CACNA2D1: variants seen among roughly 807,000 people sequenced by gnomAD.
CACNA2D1 encodes voltage-dependent calcium channel subunit alpha-2/delta-1.
Under a neutral mutation model 171.5 loss-of-function variants are expected in CACNA2D1, and 53 were observed. That is an observed-to-expected ratio of 0.31 (90% CI 0.25 to 0.39). CACNA2D1 has a LOEUF of 0.39. Ranked by LOEUF, CACNA2D1 falls within the 10% of genes least tolerant of loss-of-function variation. The probability of loss-of-function intolerance (pLI) is 1.00; values close to 1 mark genes in which losing one functional copy is unlikely to be tolerated. For synonymous variants in CACNA2D1, 442 were observed against 443.1 expected (o/e 1.00, Z 0.03); for missense variants, 903 against 1,299.8 (o/e 0.69, Z 4.69).
intron 24 of CACNA2D1, among the ~76,000 whole-genome samples, chr7:81,974,934 A>T (rs1795679857): frequency 6.6e-6 from 1 of 152,034 alleles, no homozygotes; most frequent in African/African-American, 2.4e-5. Context: ...TAAAACCTAG[A>T]TGACAAGTTG....
chr7:82,158,032 CAT>C (rs979535316), intron 4 of CACNA2D1, among the ~76,000 whole-genome samples: 3 of 151,670 alleles, frequency 2.0e-5, no homozygotes, highest in Non-Finnish European at 4.4e-5. Flanking sequence ...TATATATACA[CAT>C]ACAAATGTTT....
chr7:82,172,761 T>C (rs1796168549), intron 3 of CACNA2D1, among the ~76,000 whole-genome samples: 1 of 149,368 alleles, frequency 6.7e-6, no homozygotes, highest in African/African-American at 2.5e-5. Flanking sequence ...TGACAAAATT[T>C]GCAATGTAAA....
At chr7:82,144,912 T>C (rs941891401) in intron 4 of CACNA2D1, among the ~76,000 whole-genome samples, 2 of 138,732 alleles carry the variant, frequency 1.4e-5, no homozygotes, top group African/African-American at 5.0e-5. Flanking sequence ...GTATGGATTA[T>C]AATGAAATCA....
intron 32 of CACNA2D1, among the ~76,000 whole-genome samples, chr7:81,965,304 T>C (rs1054720258): frequency 1.3e-5 from 2 of 151,880 alleles, no homozygotes; most frequent in Non-Finnish European, 2.9e-5. Context: ...CTGACAAATG[T>C]TGAAGTGAAA....
intron 1 of CACNA2D1, among the ~76,000 whole-genome samples, chr7:82,404,170 T>C (rs1331957755): frequency 6.6e-6 from 1 of 151,952 alleles, no homozygotes; most frequent in Non-Finnish European, 1.5e-5. Flanking sequence ...GGATGGGAGT[T>C]CTAAATAAGT....
At chr7:82,039,023 A>G (rs1446228104) in intron 10 of CACNA2D1, among the ~76,000 whole-genome samples, 1 of 152,246 alleles carries the variant, frequency 6.6e-6, no homozygotes, top group Non-Finnish European at 1.5e-5. Context: ...ATCCAGGATA[A>G]GAGGATGAGT....
chr7:82,100,942 G>A (rs1167831688), intron 6 of CACNA2D1, among the ~76,000 whole-genome samples: 1 of 151,636 alleles, frequency 6.6e-6, no homozygotes, highest in East Asian at 1.9e-4. Flanking sequence ...TAATTTTGTG[G>A]ATAAACTCTT....
intron 3 of CACNA2D1, among the ~76,000 whole-genome samples, chr7:82,174,012 C>T (rs1057328296): frequency 1.6e-5 from 2 of 126,714 alleles, no homozygotes. Flanking sequence ...CACTGCACTG[C>T]AGCCTGAGCT....
At chr7:81,972,727 G>T (rs897500976) in intron 25 of CACNA2D1, among the ~76,000 whole-genome samples, 1 of 151,730 alleles carries the variant, frequency 6.6e-6, no homozygotes, top group Non-Finnish European at 1.5e-5. Context: ...ACCCTAACAG[G>T]TACCCTCTGA....
rs1362113289 is a variant in CACNA2D1, at chr7:81,950,478, C to G, written c.3190G>C (p.Gly1064Arg). 1 of 1,612,186 alleles carries G rather than the reference C, an allele frequency of 6.2e-7. No individual in the cohort carries two copies. The highest frequency in any genetic ancestry group is 8.5e-7 in the Non-Finnish European group (1 of 1,179,326). ...ATATACCACAGGGAGGGATTTAATC[C>G]AGAAACACCACCACAGTCAGTATAA... The part of the protein sequence containing the change: ...EDYTDCGGVS[G>R]LNPSLWYIIG... The change falls in exon 39 of 39, where the codon GGA becomes CGA. Residue 1064 changes from glycine (G) to arginine (R), a missense_variant. Gly to Arg is a moderately radical substitution (Grantham distance 125, BLOSUM62 -2). This residue lies in a region of CACNA2D1 where 623 missense variants were observed against 925.5 expected (regional missense o/e 0.67). Transcript: ENST00000356860.
intron 1 of CACNA2D1, among the ~76,000 whole-genome samples, chr7:82,437,505 TA>T (rs968189965): frequency 7.6e-4 from 115 of 152,086 alleles, no homozygotes; most frequent in Admixed American, 1.7e-3. Flanking sequence ...AGCATATGGT[TA>T]AAAAAAATCA....
At chr7:82,156,924 T>A (rs1352983725) in intron 4 of CACNA2D1, among the ~76,000 whole-genome samples, 2 of 152,156 alleles carry the variant, frequency 1.3e-5, no homozygotes. Flanking sequence ...ACACAATAGA[T>A]GTTTTATATT....
chr7:82,124,197 G>C (rs528946237), intron 5 of CACNA2D1, among the ~76,000 whole-genome samples: 8 of 152,178 alleles, frequency 5.3e-5, no homozygotes, highest in African/African-American at 1.9e-4. Flanking sequence ...CAGGAGAATA[G>C]GGTTTAGAGG....
intron 1 of CACNA2D1, among the ~76,000 whole-genome samples, chr7:82,394,976 A>T (rs1262969569): frequency 6.6e-6 from 1 of 152,160 alleles, no homozygotes; most frequent in Non-Finnish European, 1.5e-5. Context: ...CATAATAATA[A>T]AACCTAATGA....
intron 36 of CACNA2D1, among the ~76,000 whole-genome samples, chr7:81,961,522 T>C (rs952777040): frequency 2.6e-5 from 4 of 151,424 alleles, no homozygotes; most frequent in African/African-American, 9.7e-5. Context: ...TTTAAATTAC[T>C]AATATATTTA....
At chr7:82,415,843 C>T (rs762281972) in intron 1 of CACNA2D1, among the ~76,000 whole-genome samples, 17 of 138,078 alleles carry the variant, frequency 1.2e-4, no homozygotes, top group Non-Finnish European at 2.4e-4. Context: ...TATGTGTACA[C>T]ATAGCCAGTA....
chr7:82,367,575 C>T (rs780132943), intron 1 of CACNA2D1, among the ~76,000 whole-genome samples: 5 of 152,078 alleles, frequency 3.3e-5, no homozygotes, highest in Non-Finnish European at 4.4e-5. Flanking sequence ...TGTTTTCAGC[C>T]TCTTTTCTCC....
intron 1 of CACNA2D1, among the ~76,000 whole-genome samples, chr7:82,388,960 A>C (rs565406808): frequency 1.3e-5 from 2 of 151,920 alleles, no homozygotes; most frequent in African/African-American, 4.8e-5. Flanking sequence ...TACTAAAAAT[A>C]CAAAAATTAG....
rs148736321 is a variant in CACNA2D1, at chr7:82,000,009, C to A, written c.1591-2759G>T. Reference sequence around the variant, plus strand: ...GGCACAGTGGCTCACACCTGTAATCCCAGCACTTTGGGAGGCCAAGGCAGG... The same window carrying A: ...GGCACAGTGGCTCACACCTGTAATCACAGCACTTTGGGAGGCCAAGGCAGG... On this transcript the variant is annotated intron_variant, in intron 18 of 38. Coordinates refer to ENST00000356860, the MANE Select transcript of CACNA2D1 (RefSeq NM_000722.4). Among the ~76,000 whole-genome samples, 32 of 152,160 alleles carry A rather than the reference C, an allele frequency of 2.1e-4. No individual in the cohort carries two copies. In the East Asian group the frequency reaches 6.2e-3, roughly 30 times the overall value.
Sources: allele counts gnomAD v4.1 joint callset (sites outside exome capture counted in the v4.1 genomes callset), GRCh38; gene constraint gnomAD v4.1.1; regional missense constraint gnomAD v4.1.1; transcripts MANE v1.5; gene names NCBI Gene and HGNC (gene_info 2026-07-23, HGNC 2026-07-21).